SRPK2: variants seen among roughly 807,000 people sequenced by gnomAD.
SRPK2 encodes SRSF protein kinase 2.
Under a neutral mutation model 90.8 loss-of-function variants are expected in SRPK2, and 21 were observed. The observed-to-expected ratio is 0.23, with a 90% CI of 0.16 to 0.33. The LOEUF (loss-of-function observed/expected upper bound fraction) is 0.33. Among genes scored for constraint, SRPK2 ranks in the 10% least tolerant of loss-of-function variants. The pLI is 1.00. For synonymous variants in SRPK2, 288 were observed against 311.1 expected, an observed-to-expected ratio of 0.93 and a Z score of 0.78; for missense variants, 620 against 869.0, an observed-to-expected ratio of 0.71 and a Z score of 3.60.
chr7:105,167,497 G>C, intron 5 of SRPK2, 33 bp from the exon 6 acceptor site: 2 of 1,546,194 alleles, frequency 1.3e-6, no homozygotes, highest in East Asian at 4.5e-5. Flanking sequence ...AAGAACACAG[G>C]AGTTTGAGAC....
At position 105,256,359 on chromosome 7, in the gene SRPK2, A is replaced by C. The variant is rs1219222551; in HGVS notation, c.72-52574T>G. On this transcript the variant is annotated intron_variant, in intron 2 of 15. Coordinates refer to ENST00000393651, the MANE Select transcript of SRPK2 (RefSeq NM_182692.3). ...CCATTATGTATGTATGTACGTACGT[A>C]TGTATGTATTTTTAGAGACAGAGTC... Among the ~76,000 whole-genome samples, 3 of 152,026 alleles carry C rather than the reference A, an allele frequency of 2.0e-5. No homozygotes were observed. The East Asian group carries it at 5.8e-4, about 29-fold the overall frequency.
upstream of SRPK2, chr7:105,389,120 C>G (rs533315415): frequency 5.1e-6 from 5 of 989,444 alleles, no homozygotes; most frequent in South Asian, 2.3e-4. Context: ...CGGCCTCCCC[C>G]ACCCCAGCCC....
intron 3 of SRPK2, among the ~76,000 whole-genome samples, chr7:105,182,117 G>C (rs1792935878): frequency 6.6e-6 from 1 of 150,912 alleles, no homozygotes; most frequent in Admixed American, 6.6e-5. Context: ...TGTAATCCCA[G>C]CTATTCAGGA....
chr7:105,352,638 G>A (rs1406709987), intron 2 of SRPK2, among the ~76,000 whole-genome samples: 1 of 152,230 alleles, frequency 6.6e-6, no homozygotes, highest in African/African-American at 2.4e-5. Context: ...GGTGGCTCAC[G>A]CCAGTAATCC....
chr7:105,123,997 G>T (rs951024370), intron 15 of SRPK2, among the ~76,000 whole-genome samples: 1 of 152,240 alleles, frequency 6.6e-6, no homozygotes, highest in Non-Finnish European at 1.5e-5. Flanking sequence ...ACTCGATCAC[G>T]TAAGTCCTAA....
intron 7 of SRPK2, among the ~76,000 whole-genome samples, chr7:105,157,360 G>A (rs1202681742): frequency 1.3e-5 from 2 of 152,168 alleles, no homozygotes; most frequent in East Asian, 1.9e-4. Flanking sequence ...GTCTGCTCTG[G>A]CTTGTTCTGG....
At chr7:105,150,976 C>T (rs937249345) in intron 7 of SRPK2, among the ~76,000 whole-genome samples, 5 of 152,170 alleles carry the variant, frequency 3.3e-5, no homozygotes, top group Non-Finnish European at 5.9e-5. Flanking sequence ...GTGCGGGAGG[C>T]TGCACAGTTA....
chr7:105,214,794 A>T (rs1758541638), intron 2 of SRPK2, among the ~76,000 whole-genome samples: 1 of 152,242 alleles, frequency 6.6e-6, no homozygotes. Context: ...GATTCAACAA[A>T]ATCCCTATCA....
intron 2 of SRPK2, among the ~76,000 whole-genome samples, chr7:105,287,244 G>A (rs1170103158): frequency 1.7e-5 from 2 of 114,420 alleles, no homozygotes; most frequent in East Asian, 2.7e-4. Flanking sequence ...CTGGGCGACA[G>A]AGCGAGACTC....
chr7:105,253,961 AGAGT>A (rs1233443566), intron 2 of SRPK2, among the ~76,000 whole-genome samples: 39 of 152,352 alleles, frequency 2.6e-4, no homozygotes, highest in African/African-American at 8.9e-4. Context: ...TCACCTGTTT[AGAGT>A]GAGAGGCTTG....
rs1301545683 is a variant in SRPK2, at chr7:105,317,999, A to ACTCAGC, written c.71+70643_71+70648dup. Among the ~76,000 whole-genome samples, 12 of 151,942 alleles carry ACTCAGC rather than the reference A, an allele frequency of 7.9e-5. No homozygotes were observed. The East Asian group carries it at 1.2e-3, about 15-fold the overall frequency. Reference sequence around the variant, plus strand: ...CTCCTAAACTCAAGCAATCCACCCGACTCAGCCTCAGCCTCATAAAGTGCT... The same window carrying ACTCAGC: ...CTCCTAAACTCAAGCAATCCACCCGACTCAGCCTCAGCCTCAGCCTCATAAAGTGCT... On this transcript the variant is annotated intron_variant, in intron 2 of 15. Transcript: ENST00000393651.
chr7:105,230,495 A>G (rs184390204), intron 2 of SRPK2, among the ~76,000 whole-genome samples: 55 of 152,244 alleles, frequency 3.6e-4, no homozygotes, highest in African/African-American at 1.2e-3. Context: ...TAGAAAGATT[A>G]CTCCAGCACA....
At chr7:105,301,744 C>T in intron 2 of SRPK2, 1 of 1,603,990 alleles carries the variant, frequency 6.2e-7, no homozygotes, top group Non-Finnish European at 8.5e-7. Context: ...GTATCATCAG[C>T]TGTAAAGCAG....
chr7:105,294,721 T>C (rs1002913505), intron 2 of SRPK2, among the ~76,000 whole-genome samples: 1 of 152,032 alleles, frequency 6.6e-6, no homozygotes, highest in Non-Finnish European at 1.5e-5. Flanking sequence ...AGACAGGATT[T>C]CATCATGTTG....
chr7:105,145,918 A>G (rs565362068), intron 8 of SRPK2, among the ~76,000 whole-genome samples: 3 of 152,224 alleles, frequency 2.0e-5, no homozygotes, highest in African/African-American at 4.8e-5. Flanking sequence ...TGCTTGCCTG[A>G]CAACACACAA....
intron 2 of SRPK2, among the ~76,000 whole-genome samples, chr7:105,287,288 GAAA>G (rs1808270138): frequency 1.5e-5 from 1 of 64,606 alleles, no homozygotes; most frequent in Non-Finnish European, 3.3e-5. Flanking sequence ...AAAAAAAGAA[GAAA>G]AGGATGCAGA....
At chr7:105,335,318 G>C (rs1224589663) in intron 2 of SRPK2, among the ~76,000 whole-genome samples, 1 of 152,028 alleles carries the variant, frequency 6.6e-6, no homozygotes, top group Admixed American at 6.6e-5. Context: ...GATTTTAAAA[G>C]AACTATGAGC....
chr7:105,134,228 G>A (rs1802458375), intron 11 of SRPK2, among the ~76,000 whole-genome samples: 1 of 152,164 alleles, frequency 6.6e-6, no homozygotes, highest in African/African-American at 2.4e-5. Flanking sequence ...TGTTAGAAGA[G>A]GGGCCTGGTG....
At chr7:105,188,641 T>C (rs1793892579) in intron 3 of SRPK2, among the ~76,000 whole-genome samples, 2 of 152,018 alleles carry the variant, frequency 1.3e-5, no homozygotes, top group Admixed American at 6.5e-5. Flanking sequence ...TAAAACAGGA[T>C]CCAAAACAAA....
Sources: gnomAD v4.1 joint callset for allele counts (sites outside exome capture counted in the v4.1 genomes callset) on GRCh38, gnomAD v4.1.1 for gene constraint, MANE v1.5 for transcripts, NCBI Gene and HGNC (gene_info 2026-07-23, HGNC 2026-07-21) for gene names.